The following PALM2AKAP2 variants were observed in gnomAD, a reference collection of about 807,000 sequenced individuals.
PALM2AKAP2 encodes PALM2 and AKAP2 fusion.
PALM2AKAP2 carries 37 observed loss-of-function variants against 71.5 expected under a neutral mutation model. The ratio of observed to expected loss-of-function variants is 0.52; its 90% CI spans 0.40 to 0.68. The LOEUF (loss-of-function observed/expected upper bound fraction) is 0.68. Ranked by LOEUF, PALM2AKAP2 falls within the 30% of genes least tolerant of loss-of-function variation. PALM2AKAP2 has a pLI of 0.00. For missense variants in PALM2AKAP2, 1,224 were observed against 1,191.8 expected (o/e 1.03, Z -0.40); for synonymous variants, 468 against 478.8 (o/e 0.98, Z 0.29).
At chr9:110,105,236 G>GC (rs1835090529) in intron 1 of PALM2AKAP2, among the ~76,000 whole-genome samples, 2 of 152,218 alleles carry the variant, frequency 1.3e-5, no homozygotes, top group Admixed American at 1.3e-4. Flanking sequence ...TTGCAAGAAA[G>GC]CCCTTGGGTT....
At chr9:109,691,871 CACACACACACATATATATATATATATAT>C (rs1827895647) in intron 1 of PALM2AKAP2, among the ~76,000 whole-genome samples, 1 of 52,638 alleles carries the variant, frequency 1.9e-5, no homozygotes, top group African/African-American at 6.8e-5. Flanking sequence ...TATATATACA[CACACACACACATATATATATATATATAT>C]ATACACACAC....
At chr9:110,111,012 A>G (rs1835236022) in intron 1 of PALM2AKAP2, among the ~76,000 whole-genome samples, 1 of 151,944 alleles carries the variant, frequency 6.6e-6, no homozygotes, top group Non-Finnish European at 1.5e-5. Flanking sequence ...AGCCTTATAG[A>G]AATTTATTAA....
At chr9:109,691,861 TATATATACACACACACACAC>T (rs67142527) in intron 1 of PALM2AKAP2, among the ~76,000 whole-genome samples, 1,825 of 43,828 alleles carry the variant, frequency 0.042, 50 homozygotes, top group Middle Eastern at 0.088. Context: ...TATATATATA[TATATATACACACACACACAC>T]ATATATATAT....
At chr9:109,803,003 A>G (rs1254791750) in intron 1 of PALM2AKAP2, among the ~76,000 whole-genome samples, 1 of 152,192 alleles carries the variant, frequency 6.6e-6, no homozygotes, top group Non-Finnish European at 1.5e-5. Flanking sequence ...TATTATTAAG[A>G]TGCTTGCTAG....
At chr9:109,925,220 G>A (rs1286881339) in intron 5 of PALM2AKAP2, 138 bp downstream of exon 5, 1 of 1,336,520 alleles carries the variant, frequency 7.5e-7, no homozygotes, top group East Asian at 2.4e-5. Context: ...CTGGTTGCAG[G>A]CCACTGAGGA....
chr9:110,058,182 A>T (rs866063669), intron 1 of PALM2AKAP2, among the ~76,000 whole-genome samples: 21 of 152,224 alleles, frequency 1.4e-4, no homozygotes, highest in African/African-American at 4.8e-4. Flanking sequence ...GATGTATGCA[A>T]ATCTCTAGGA....
chr9:109,756,729 C>T (rs555374676), intron 1 of PALM2AKAP2, among the ~76,000 whole-genome samples: 165 of 152,242 alleles, frequency 1.1e-3, no homozygotes, highest in Non-Finnish European at 2.0e-3. Context: ...CTGGATATCC[C>T]ATTATTTCAC....
chr9:110,087,312 C>T (rs912124666), intron 1 of PALM2AKAP2, among the ~76,000 whole-genome samples: 1 of 152,192 alleles, frequency 6.6e-6, no homozygotes, highest in Non-Finnish European at 1.5e-5. Context: ...TCTGATGTGT[C>T]GGAGAGGCCC....
At chr9:109,670,508 C>G (rs980900229) in intron 1 of PALM2AKAP2, among the ~76,000 whole-genome samples, 39 of 152,122 alleles carry the variant, frequency 2.6e-4, no homozygotes, top group African/African-American at 9.4e-4. Context: ...TTTTCTTTAT[C>G]CAGTCTACCA....
At chr9:109,879,606 C>A (rs1587980669) in intron 2 of PALM2AKAP2, among the ~76,000 whole-genome samples, 1 of 152,210 alleles carries the variant, frequency 6.6e-6, no homozygotes, top group South Asian at 2.1e-4. Context: ...CTTCTCAAAG[C>A]AGTAATTGCT....
At chr9:109,793,812 A>T (rs1331588826) in intron 1 of PALM2AKAP2, among the ~76,000 whole-genome samples, 1 of 152,246 alleles carries the variant, frequency 6.6e-6, no homozygotes, top group African/African-American at 2.4e-5. Context: ...TGAGATTTGT[A>T]TGAAATTCAA....
intron 6 of PALM2AKAP2, among the ~76,000 whole-genome samples, chr9:109,986,329 T>C (rs182132099): frequency 1.3e-5 from 2 of 152,362 alleles, no homozygotes; most frequent in Admixed American, 6.5e-5. Context: ...TTTTCTGATC[T>C]GTCTTAATTT....
chr9:110,170,676 T>A (rs1836839197), exon 4 of PALM2AKAP2: 1 of 152,080 alleles, frequency 6.6e-6, no homozygotes, highest in Non-Finnish European at 1.5e-5. Context: ...GTAAGATCCC[T>A]GTTGCAAGAA....
At chr9:110,028,891 C>T (rs1030601447) in intron 7 of PALM2AKAP2, among the ~76,000 whole-genome samples, 4 of 146,524 alleles carry the variant, frequency 2.7e-5, no homozygotes, top group East Asian at 2.0e-4. Flanking sequence ...AAGGGAACCG[C>T]GTAATGTGTT....
Position 109,942,733 on chromosome 9 carries a change from G to A in PALM2AKAP2, c.496+10705G>A, listed in dbSNP as rs201800831. 15 of 1,610,068 alleles carry A rather than the reference G, an allele frequency of 9.3e-6. No individual in the cohort carries two copies. The East Asian group carries it at 1.8e-4, about 19-fold the overall frequency. Reference sequence around the variant, plus strand: ...TGTGGAGAAAGACAAACAAACAGGAGAGACCAAGATTCTCTCTACATCTAC... The same window carrying A: ...TGTGGAGAAAGACAAACAAACAGGAAAGACCAAGATTCTCTCTACATCTAC... On this transcript the variant is annotated intron_variant, in intron 6 of 9. Coordinates refer to the PALM2AKAP2 transcript ENST00000302798.
At chr9:110,080,489 G>C (rs914166748) in intron 1 of PALM2AKAP2, among the ~76,000 whole-genome samples, 1 of 152,174 alleles carries the variant, frequency 6.6e-6, no homozygotes, top group African/African-American at 2.4e-5. Flanking sequence ...GTGATGTCAG[G>C]TGTAGGAAGA....
rs35984840 is a variant in PALM2AKAP2 at position 109,657,938 on chromosome 9, TTGTGTGTGTG to T, written c.5+17100_5+17109del. Among the ~76,000 whole-genome samples the T allele has an allele frequency of 1.6e-3, 228 of 142,534 alleles. 3 individuals are homozygous for T. In the South Asian group the frequency reaches 0.032, roughly 20 times the overall value. 93.5% of individuals were successfully genotyped at this position (142,534 alleles called of 152,430 possible). A position where few individuals can be genotyped will look rare whatever the true frequency, so the allele number is the denominator to read the frequency against. On this transcript the variant is annotated intron_variant, in intron 1 of 6. Transcript: ENST00000374531. Reference sequence around the variant, plus strand: ...ATTGAGCTCACAGATTTGTGTGTGTTTGTGTGTGTGTGTGTGTGTGTGTGTGTGTGTGTGT... The same window carrying T: ...ATTGAGCTCACAGATTTGTGTGTGTTTGTGTGTGTGTGTGTGTGTGTGTGT...
chr9:110,042,290 G>A (rs1005531751), intron 7 of PALM2AKAP2, among the ~76,000 whole-genome samples: 3 of 152,188 alleles, frequency 2.0e-5, no homozygotes, highest in Non-Finnish European at 4.4e-5. Context: ...GCTGGGCATG[G>A]TGGTGTGTGC....
At chr9:110,170,399 TC>T (rs1360608109) in exon 4 of PALM2AKAP2, 3 of 152,698 alleles carry the variant, frequency 2.0e-5, no homozygotes, top group African/African-American at 7.2e-5. Flanking sequence ...AACGCACATT[TC>T]CTTTGCTTCT....
Sources: allele counts gnomAD v4.1 joint callset (sites outside exome capture counted in the v4.1 genomes callset), GRCh38; gene constraint gnomAD v4.1.1; transcripts MANE v1.5; gene names NCBI Gene and HGNC (gene_info 2026-07-23, HGNC 2026-07-21).